SLC39A9: variants seen among roughly 807,000 people sequenced by gnomAD.
The protein encoded by SLC39A9 is zinc transporter ZIP9.
A neutral mutation model predicts 28.4 loss-of-function variants in SLC39A9; 14 were observed. The ratio of observed to expected loss-of-function variants is 0.49; its 90% CI spans 0.33 to 0.77. The LOEUF is 0.77. Among genes scored for constraint, SLC39A9 ranks in the 30% least tolerant of loss-of-function variants. The probability of loss-of-function intolerance (pLI) is 0.02; values close to 1 mark genes in which losing one functional copy is unlikely to be tolerated. For missense variants in SLC39A9, 283 were observed against 381.1 expected, an observed-to-expected ratio of 0.74 and a Z score of 2.14; for synonymous variants, 119 against 149.6, an observed-to-expected ratio of 0.80 and a Z score of 1.49.
At chr14:69,408,153 C>T (rs911788606) in intron 1 of SLC39A9, among the ~76,000 whole-genome samples, 10 of 152,180 alleles carry the variant, frequency 6.6e-5, no homozygotes, top group Admixed American at 3.9e-4. Flanking sequence ...GCTGAGATTA[C>T]GGCTGCCTAC....
At chr14:69,404,699 A>C (rs1054689130) in intron 1 of SLC39A9, among the ~76,000 whole-genome samples, 1 of 152,104 alleles carries the variant, frequency 6.6e-6, no homozygotes, top group Non-Finnish European at 1.5e-5. Context: ...TTTGGTTTGC[A>C]TTACTATTTA....
chr14:69,426,927 TAC>T (rs918046827), intron 2 of SLC39A9, among the ~76,000 whole-genome samples: 5 of 151,700 alleles, frequency 3.3e-5, no homozygotes, highest in Non-Finnish European at 7.4e-5. Flanking sequence ...TGTACACACA[TAC>T]ACACACACAC....
chr14:69,418,558 G>C (rs878978347), intron 1 of SLC39A9, among the ~76,000 whole-genome samples: 4 of 152,100 alleles, frequency 2.6e-5, no homozygotes, highest in Admixed American at 2.6e-4. Context: ...AATGGTACCA[G>C]CTCCTCTTTG....
At chr14:69,453,706 A>T (rs1191327007) in intron 4 of SLC39A9, among the ~76,000 whole-genome samples, 1 of 152,176 alleles carries the variant, frequency 6.6e-6, no homozygotes, top group Admixed American at 6.5e-5. Flanking sequence ...GAGTGATGAA[A>T]ATTTAGGTTA....
chr14:69,409,088 T>G (rs945884015), intron 1 of SLC39A9, among the ~76,000 whole-genome samples: 6 of 152,222 alleles, frequency 3.9e-5, no homozygotes, highest in African/African-American at 1.2e-4. Context: ...TTAATTAAAT[T>G]AACAATTTTT....
In SLC39A9 at chr14:69,458,514, G is replaced by A. The variant is rs2232061; in HGVS notation, c.845G>A (p.Gly282Asp). 6.2e-7 allele frequency: 1 copy of A among 1,614,248 alleles called. No individual in the cohort carries two copies. Among genetic ancestry groups the A allele is most frequent in the South Asian group, 1.1e-5 (1 of 91,082 alleles). Residue 282 changes from glycine (G) to aspartate (D), a missense_variant, in exon 7 of 7, where the codon GGC (glycine) becomes GAC (aspartate). Coordinates refer to ENST00000336643, the MANE Select transcript of SLC39A9 (RefSeq NM_018375.5). ...AAGCCCGATGCCACGGGAGGGAGAGGCCTCAGCCGCCTGGAAGTGGCAGCC... is the reference window on the plus strand; with the variant it reads ...AAGCCCGATGCCACGGGAGGGAGAGACCTCAGCCGCCTGGAAGTGGCAGCC... ...SHKPDATGGR[G>D]LSRLEVAALV...
intron 1 of SLC39A9, among the ~76,000 whole-genome samples, chr14:69,403,493 G>T (rs1400012031): frequency 6.6e-6 from 1 of 152,084 alleles, no homozygotes; most frequent in Non-Finnish European, 1.5e-5. Context: ...CCTGGTAAAG[G>T]ATCAGTTTTT....
At chr14:69,429,015 A>G (rs1009101878) in intron 2 of SLC39A9, 6 of 152,216 alleles carry the variant, frequency 3.9e-5, no homozygotes, top group African/African-American at 1.4e-4. Flanking sequence ...CCAGGTTTTC[A>G]ATAGGAAAGT....
At chr14:69,450,898 CT>C (rs1275729131) in intron 3 of SLC39A9, among the ~76,000 whole-genome samples, 4 of 152,144 alleles carry the variant, frequency 2.6e-5, no homozygotes, top group African/African-American at 7.2e-5. Flanking sequence ...TTTTTGCTGG[CT>C]TTCGTGTCTG....
rs753662755 is a variant in SLC39A9 at position 69,458,392 on chromosome 14, C to T, written c.723C>T (p.Asn241=). ...KSSKEALSEV[N]ATGVAMLFSA... is the part of the protein sequence containing the mutation. ...GTAAAGAAGCCCTTTCAGAGGTGAA[C>T]GCCACGGGAGTGGCCATGCTTTTCT... Residue 241 remains asparagine (N), a synonymous_variant, in exon 7 of 7, where the codon AAC becomes AAT. Transcript: ENST00000336643. The T allele has an allele frequency of 7.4e-6, 12 of 1,614,068 alleles. No individual in the cohort carries two copies. The highest frequency in any genetic ancestry group is 6.7e-5 in the East Asian group (3 of 44,904).
Position 69,459,231 on chromosome 14 carries a change from C to T in SLC39A9, c.*638C>T. 1.0e-6 allele frequency: 1 copy of T among 985,458 alleles called. No homozygotes were observed. Among genetic ancestry groups the T allele is most frequent in the Non-Finnish European group, 1.2e-6 (1 of 829,946 alleles). 61.0% of individuals were successfully genotyped at this position (985,458 alleles called of 1,614,324 possible). A position where few individuals can be genotyped will look rare whatever the true frequency, so the allele number is the denominator to read the frequency against. On this transcript the variant is annotated 3_prime_UTR_variant, in exon 7 of 7. Coordinates refer to ENST00000336643, the MANE Select transcript of SLC39A9 (RefSeq NM_018375.5). ...GATGTCTAGAGGGATTTAAACAGCT[C>T]CTTTGGCACGTGCCTCTCTGAATCC...
chr14:69,403,856 C>G lies in SLC39A9; in HGVS notation c.96+4391C>G, dbSNP rs372482214. On this transcript the variant is annotated intron_variant, in intron 1 of 6. Coordinates refer to ENST00000336643, the MANE Select transcript of SLC39A9 (RefSeq NM_018375.5). Reference sequence around the variant, plus strand: ...GTCGGGAGTTCGAGACCACCCTGACCAACACGGAGAAACCCTGTGTCTACT... The same window carrying G: ...GTCGGGAGTTCGAGACCACCCTGACGAACACGGAGAAACCCTGTGTCTACT... Among the ~76,000 whole-genome samples the G allele has an allele frequency of 2.7e-4, 41 of 152,196 alleles. 1 individual carries two copies. The South Asian group carries it at 8.3e-3, about 31-fold the overall frequency.
chr14:69,410,815 G>A (rs1490743029), intron 1 of SLC39A9, among the ~76,000 whole-genome samples: 1 of 151,678 alleles, frequency 6.6e-6, no homozygotes, highest in Non-Finnish European at 1.5e-5. Context: ...GATAAGAGAT[G>A]TACCTTTGAT....
chr14:69,441,762 A>G (rs1027037198), intron 2 of SLC39A9: 4 of 1,051,538 alleles, frequency 3.8e-6, no homozygotes, highest in Non-Finnish European at 3.4e-6. Flanking sequence ...AGATAAAGGA[A>G]TATTTGGGGA....
At chr14:69,432,074 A>G (rs573049214) in intron 2 of SLC39A9, among the ~76,000 whole-genome samples, 25 of 152,304 alleles carry the variant, frequency 1.6e-4, no homozygotes, top group African/African-American at 5.8e-4. Flanking sequence ...TTGGATAGAT[A>G]TGCAGTAACG....
intron 4 of SLC39A9, 138 bp downstream of exon 4, chr14:69,453,447 A>G (rs1259342983): frequency 3.0e-6 from 2 of 675,276 alleles, no homozygotes; most frequent in South Asian, 1.9e-5. Flanking sequence ...AAGTCCTCCA[A>G]CACAAGCACA....
rs570174802 is a variant in SLC39A9 at position 69,420,996 on chromosome 14, C to G, written c.97-3098C>G. ...CTGACCTTCTGAAGCCTACTTCTGT[C>G]AACTTGTCAAAGGAATTTCCATCCA... On this transcript the variant is annotated intron_variant, in intron 1 of 6. Transcript: ENST00000336643. Among the ~76,000 whole-genome samples, 6 of 152,344 alleles carry G rather than the reference C, an allele frequency of 3.9e-5. No individual in the cohort carries two copies. In the South Asian group the frequency reaches 1.2e-3, roughly 32 times the overall value.
At chr14:69,423,672 C>A (rs1046945603) in intron 1 of SLC39A9, among the ~76,000 whole-genome samples, 2 of 151,966 alleles carry the variant, frequency 1.3e-5, no homozygotes, top group Non-Finnish European at 2.9e-5. Context: ...CCGAAGCGGG[C>A]GGATCACCTG....
In SLC39A9 at chr14:69,459,441, G is replaced by T. The variant is rs918452409; in HGVS notation, c.*848G>T. On this transcript the variant is annotated 3_prime_UTR_variant, in exon 7 of 7. Coordinates refer to ENST00000336643, the MANE Select transcript of SLC39A9 (RefSeq NM_018375.5). ...CCTTCAAGAACAGTCAGATCACAAAGTGTCTTTGGAAATTAAGGGATATTA... is the reference window on the plus strand; with the variant it reads ...CCTTCAAGAACAGTCAGATCACAAATTGTCTTTGGAAATTAAGGGATATTA... The T allele has an allele frequency of 1.0e-6, 1 of 985,214 alleles. No homozygotes were observed. The allele number at this position is 985,214 out of a possible 1,614,324, so 61.0% of individuals were successfully genotyped here.
Sources: gnomAD v4.1 joint callset for allele counts (sites outside exome capture counted in the v4.1 genomes callset) on GRCh38, gnomAD v4.1.1 for gene constraint, MANE v1.5 for transcripts, NCBI Gene and HGNC (gene_info 2026-07-23, HGNC 2026-07-21) for gene names.